Variants in ROBO2 observed in about 807,000 individuals in gnomAD.
ROBO2 encodes the protein roundabout homolog 2.
ROBO2 carries 53 observed loss-of-function variants against 160.8 expected under a neutral mutation model. The ratio of observed to expected loss-of-function variants is 0.33; its 90% confidence interval spans 0.26 to 0.41. ROBO2 has a LOEUF of 0.41. ROBO2 is among the 10% of genes least tolerant of loss of function. The pLI, the probability that ROBO2 is intolerant of heterozygous loss-of-function variation, is 1.00. For missense variants in ROBO2, 1,577 were observed against 1,722.4 expected, an observed-to-expected ratio of 0.92 and a Z score of 1.49; for synonymous variants, 664 against 611.7, an observed-to-expected ratio of 1.09 and a Z score of -1.26.
At chr3:76,806,074 G>C (rs1264198195) in intron 2 of ROBO2, among the ~76,000 whole-genome samples, 2 of 151,670 alleles carry the variant, frequency 1.3e-5, no homozygotes, top group African/African-American at 2.4e-5. Flanking sequence ...AGTTTCTTTT[G>C]AAATTCTTCT....
At chr3:76,011,098 T>C (rs2066177938) in intron 2 of ROBO2, among the ~76,000 whole-genome samples, 1 of 152,172 alleles carries the variant, frequency 6.6e-6, no homozygotes, top group African/African-American at 2.4e-5. Flanking sequence ...CTGTTAGCTA[T>C]AAAATAGACT....
chr3:75,958,425 G>T (rs1948793141), intron 2 of ROBO2, among the ~76,000 whole-genome samples: 1 of 151,782 alleles, frequency 6.6e-6, no homozygotes, highest in Non-Finnish European at 1.5e-5. Flanking sequence ...GAAACAGAAA[G>T]TCAAGCAAAA....
chr3:76,267,661 C>T (rs1242587801), intron 2 of ROBO2, among the ~76,000 whole-genome samples: 1 of 151,962 alleles, frequency 6.6e-6, no homozygotes, highest in Non-Finnish European at 1.5e-5. Flanking sequence ...TAACTTTTAT[C>T]AATAGTTATT....
At chr3:77,270,786 CA>C (rs987986985) in intron 2 of ROBO2, among the ~76,000 whole-genome samples, 1 of 151,940 alleles carries the variant, frequency 6.6e-6, no homozygotes, top group Non-Finnish European at 1.5e-5. Flanking sequence ...CTACTAAAAA[CA>C]CAAAAAGTAG....
chr3:76,137,366 C>T (rs912087972), intron 2 of ROBO2, among the ~76,000 whole-genome samples: 1 of 151,958 alleles, frequency 6.6e-6, no homozygotes, highest in Non-Finnish European at 1.5e-5. Context: ...TCCTAGAAAA[C>T]GTACCCTTTC....
At chr3:76,109,499 C>A (rs189629914) in intron 2 of ROBO2, among the ~76,000 whole-genome samples, 1 of 151,932 alleles carries the variant, frequency 6.6e-6, no homozygotes, top group Non-Finnish European at 1.5e-5. Context: ...TCTGCAGACA[C>A]CTTGGAGTCA....
At chr3:76,053,250 A>G (rs1248144350) in intron 2 of ROBO2, among the ~76,000 whole-genome samples, 1 of 151,996 alleles carries the variant, frequency 6.6e-6, no homozygotes, top group Non-Finnish European at 1.5e-5. Flanking sequence ...AAGTCTGTTG[A>G]CTTAGTTCTT....
chr3:77,322,351 T>C (rs1349139943), intron 2 of ROBO2, among the ~76,000 whole-genome samples: 7 of 152,134 alleles, frequency 4.6e-5, no homozygotes, highest in Non-Finnish European at 8.8e-5. Context: ...GAAGTAGCAC[T>C]GAGAAAGTTC....
intron 2 of ROBO2, among the ~76,000 whole-genome samples, chr3:77,410,204 G>A (rs1238223485): frequency 1.3e-5 from 2 of 152,056 alleles, no homozygotes; most frequent in African/African-American, 4.8e-5. Flanking sequence ...ACAGATAAAT[G>A]AGTTAACACA....
intron 2 of ROBO2, among the ~76,000 whole-genome samples, chr3:76,616,976 C>T (rs993435849): frequency 6.6e-6 from 1 of 152,140 alleles, no homozygotes; most frequent in Non-Finnish European, 1.5e-5. Context: ...GCCTAGGTCA[C>T]TGACCTTAGC....
At chr3:76,778,752 G>T (rs187248694) in intron 2 of ROBO2, among the ~76,000 whole-genome samples, 3 of 151,112 alleles carry the variant, frequency 2.0e-5, no homozygotes, top group Admixed American at 1.3e-4. Context: ...TCAATAAATA[G>T]CACAAGTCCT....
intron 2 of ROBO2, among the ~76,000 whole-genome samples, chr3:76,984,802 T>C (rs181030867): frequency 1.7e-4 from 26 of 152,106 alleles, no homozygotes; most frequent in Admixed American, 5.9e-4. Context: ...GGACAAAAAG[T>C]TTGAACAAAT....
chr3:76,504,335 G>C (rs776908413), intron 2 of ROBO2, among the ~76,000 whole-genome samples: 6 of 152,166 alleles, frequency 3.9e-5, no homozygotes, highest in Non-Finnish European at 7.3e-5. Context: ...TAGAAAGTGA[G>C]AGACAGAAAA....
chr3:75,963,220 C>T (rs1326097826), intron 2 of ROBO2, among the ~76,000 whole-genome samples: 3 of 151,828 alleles, frequency 2.0e-5, no homozygotes, highest in Non-Finnish European at 4.4e-5. Flanking sequence ...CAGGGTCTCA[C>T]TCTGTCACCC....
At chr3:76,447,240 C>T (rs1406790528) in intron 2 of ROBO2, among the ~76,000 whole-genome samples, 2 of 152,166 alleles carry the variant, frequency 1.3e-5, no homozygotes, top group Non-Finnish European at 2.9e-5. Context: ...AGGATATGAA[C>T]AGACACTTCT....
At chr3:76,923,639 A>G (rs1200223572) in intron 2 of ROBO2, among the ~76,000 whole-genome samples, 1 of 152,216 alleles carries the variant, frequency 6.6e-6, no homozygotes, top group Non-Finnish European at 1.5e-5. Context: ...ATGAGGGAAA[A>G]GAGCAAGTAA....
intron 2 of ROBO2, among the ~76,000 whole-genome samples, chr3:76,941,552 T>C (rs934287421): frequency 6.6e-6 from 1 of 152,172 alleles, no homozygotes; most frequent in Non-Finnish European, 1.5e-5. Context: ...TAAAACTGAG[T>C]CATCGTGCAT....
chr3:76,709,559 G>C (rs1258603469), intron 2 of ROBO2, among the ~76,000 whole-genome samples: 1 of 152,096 alleles, frequency 6.6e-6, no homozygotes, highest in African/African-American at 2.4e-5. Context: ...GTATTACTTG[G>C]ACACATTATT....
At chr3:76,542,362 C>T (rs1197335468) in intron 2 of ROBO2, among the ~76,000 whole-genome samples, 1 of 152,062 alleles carries the variant, frequency 6.6e-6, no homozygotes, top group Non-Finnish European at 1.5e-5. Flanking sequence ...TCTATCCGCA[C>T]CCCATTCTGC....
Sources: gnomAD v4.1 joint callset for allele counts (sites outside exome capture counted in the v4.1 genomes callset) on GRCh38, gnomAD v4.1.1 for gene constraint, MANE v1.5 for transcripts, NCBI Gene and HGNC (gene_info 2026-07-23, HGNC 2026-07-21) for gene names.